The following MDN1 variants were observed in gnomAD, a reference collection of about 807,000 sequenced individuals.
MDN1 encodes midasin.
A neutral mutation model predicts 669.2 loss-of-function variants in MDN1; 266 were observed. The observed-to-expected ratio is 0.40, with a 90% CI of 0.36 to 0.44. The LOEUF is 0.44. Ranked by LOEUF, MDN1 falls within the 20% of genes least tolerant of loss-of-function variation. The pLI is 1.00. For missense variants in MDN1, 5,940 were observed against 6,754.0 expected (o/e 0.88, Z 4.22); for synonymous variants, 2,385 against 2,457.1 (o/e 0.97, Z 0.87).
chr6:89,819,658 C>T lies in MDN1; in HGVS notation c.-51G>A. 1 of 1,521,580 alleles carries T rather than the reference C, an allele frequency of 6.6e-7. No individual in the cohort carries two copies. Among genetic ancestry groups the T allele is most frequent in the Non-Finnish European group, 9.0e-7 (1 of 1,110,266 alleles). 94.3% of individuals were successfully genotyped at this position (1,521,580 alleles called of 1,614,324 possible). A position where few individuals can be genotyped will look rare whatever the true frequency, so the allele number is the denominator to read the frequency against. ...CCACCTGCGCTCCCTACTTCGCGGC[C>T]AGCGTCCCCAAGCCGCCGAGGTCCC... On this transcript the variant is annotated 5_prime_UTR_variant, in exon 1 of 102. Coordinates refer to ENST00000369393, the MANE Select transcript of MDN1 (RefSeq NM_014611.3).
intron 17 of MDN1, 34 bp downstream of exon 17, chr6:89,761,611 G>A (rs770081603): frequency 2.2e-5 from 32 of 1,447,822 alleles, no homozygotes; most frequent in South Asian, 4.9e-5. Flanking sequence ...TAAAATCAAC[G>A]TTCCCATAAG....
intron 69 of MDN1, 22 bp from the exon 70 acceptor site, chr6:89,685,995 A>C (rs776348917): frequency 6.2e-7 from 1 of 1,608,656 alleles, no homozygotes; most frequent in East Asian, 2.2e-5. Context: ...CAAAGAGAAA[A>C]ATATATATGT....
chr6:89,761,714 A>G lies in MDN1; in HGVS notation c.2391T>C (p.Gly797=). The part of the protein sequence containing the change: ...LLIKEKWEAF[G]LRLNHAQQQM... ...GTTGTTGGGCATGGTTGAGTCTAAG[A>G]CCAAATGCTTCCCATTTCTCTTTTA... is the stretch of plus-strand genomic sequence containing the variant. The change falls in exon 17 of 102, where the codon GGT becomes GGC. Residue 797 remains glycine, a synonymous_variant. Coordinates refer to ENST00000369393, the MANE Select transcript of MDN1 (RefSeq NM_014611.3). 6.2e-7 allele frequency: 1 copy of G among 1,611,540 alleles called. No individual in the cohort carries two copies.
At chr6:89,762,639 C>G in intron 15 of MDN1, 109 bp from the exon 16 acceptor site, 2 of 714,786 alleles carry the variant, frequency 2.8e-6, no homozygotes, top group Non-Finnish European at 4.6e-6. Flanking sequence ...TAATTAACGT[C>G]AGAAATACTA....
In MDN1 at chr6:89,803,405, G is replaced by C; in HGVS notation, c.252C>G (p.Gly84=). The part of the protein sequence containing the change: ...ERNAEAIKAG[G]QINHDLHERL... ...GTTCATGCAGATCATGGTTGATTTG[G>C]CCTCCAGCTTTAATGGCTTCGGCAT... is the stretch of plus-strand genomic sequence containing the variant. The change falls in exon 2 of 102, where the codon GGC becomes GGG. Residue 84 remains glycine (G), a synonymous_variant. Coordinates refer to ENST00000369393, the MANE Select transcript of MDN1 (RefSeq NM_014611.3). The C allele has an allele frequency of 6.2e-7, 1 of 1,614,036 alleles. No individual in the cohort carries two copies. Among genetic ancestry groups the C allele is most frequent in the Non-Finnish European group, 8.5e-7 (1 of 1,180,022 alleles).
chr6:89,787,657 T>TGG (rs1562219175), intron 8 of MDN1, among the ~76,000 whole-genome samples, 197 bp downstream of exon 8: 24 of 149,604 alleles, frequency 1.6e-4, no homozygotes, highest in African/African-American at 5.9e-4. Context: ...TATTTTTAAG[T>TGG]CGGGGGGGGG....
chr6:89,749,405 C>A, intron 25 of MDN1, 36 bp from the exon 26 acceptor site: 3 of 1,605,910 alleles, frequency 1.9e-6, no homozygotes, highest in Non-Finnish European at 2.6e-6. Context: ...GTAAAAGGTG[C>A]CTTTTAATTT....
At position 89,792,820 on chromosome 6, in the gene MDN1, C is replaced by T. The variant is rs549428428; in HGVS notation, c.855+942G>A. ...GGGTCACGAGGTCAGGCATTCGAGACCAGGCTGGCCAACATAGTGAAATTC... is the reference window on the plus strand; with the variant it reads ...GGGTCACGAGGTCAGGCATTCGAGATCAGGCTGGCCAACATAGTGAAATTC... On this transcript the variant is annotated intron_variant, in intron 5 of 101. Coordinates refer to ENST00000369393, the MANE Select transcript of MDN1 (RefSeq NM_014611.3). 3.3e-5 allele frequency among the ~76,000 whole-genome samples: 5 copies of T among 151,916 alleles called. No individual in the cohort carries two copies. The East Asian group carries it at 9.7e-4, about 29-fold the overall frequency.
rs1277011406 is a variant in MDN1 at position 89,745,356 on chromosome 6, C to G, written c.4095G>C (p.Trp1365Cys). ...TLECNFGHIV[W>C]TEGMRRLAML... ...TCGCGAGTCTCCGCATGCCCTCAGT[C>G]CACACGATATGGCCAAAGTTACACT... Residue 1365 changes from tryptophan to cysteine, a missense_variant, in exon 29 of 102, where the codon TGG (tryptophan) becomes TGC (cysteine). Trp to Cys is a radical substitution (Grantham distance 215). Around this residue, in one of 5 missense-constraint regions of MDN1, gnomAD observed 2,292 missense variants for 2,638.3 expected, o/e 0.87. Transcript: ENST00000369393. 1.2e-6 allele frequency: 2 copies of G among 1,614,010 alleles called. No individual in the cohort carries two copies. The highest frequency in any genetic ancestry group is 1.7e-6 in the Non-Finnish European group (2 of 1,179,996).
At chr6:89,802,335 G>A (rs1489482003) in intron 2 of MDN1, among the ~76,000 whole-genome samples, 1 of 152,154 alleles carries the variant, frequency 6.6e-6, no homozygotes, top group Non-Finnish European at 1.5e-5. Flanking sequence ...TTCCAAGAAA[G>A]CCAAAGTGTA....
rs1032448400 is a variant in MDN1, at chr6:89,695,265, C to T, written c.9771+340G>A. Among the ~76,000 whole-genome samples the T allele has an allele frequency of 6.6e-6, 1 of 151,970 alleles. No homozygotes were observed. Among genetic ancestry groups the T allele is most frequent in the Non-Finnish European group, 1.5e-5 (1 of 67,982 alleles). On this transcript the variant is annotated intron_variant, in intron 61 of 101. Coordinates refer to ENST00000369393, the MANE Select transcript of MDN1 (RefSeq NM_014611.3). The surrounding 1 kb of genome is among the most constrained non-coding windows in gnomAD (Gnocchi z 4.1). ...ACAAACAAACAAAAACCCAAATATC[C>T]AAAACTAAGCTCAGGTAGAGAGAGT...
At chr6:89,680,524 T>C (rs1256562606) in intron 74 of MDN1, 65 bp downstream of exon 74, 14 of 1,564,464 alleles carry the variant, frequency 8.9e-6, no homozygotes, top group Non-Finnish European at 6.9e-6. Context: ...TGCCACATTC[T>C]CAGCCCTCCT....
chr6:89,772,129 G>A (rs573905241), intron 14 of MDN1, among the ~76,000 whole-genome samples: 1 of 152,230 alleles, frequency 6.6e-6, no homozygotes, highest in East Asian at 1.9e-4. Flanking sequence ...GCCAGGCGTG[G>A]TGGCACACAC....
chr6:89,687,104 T>A, intron 68 of MDN1, 81 bp from the exon 69 acceptor site: 1 of 1,564,436 alleles, frequency 6.4e-7, no homozygotes, highest in Non-Finnish European at 8.7e-7. Flanking sequence ...AGCTACATGC[T>A]CACATTTCTC....
Position 89,661,436 on chromosome 6 carries a change from C to T in MDN1, c.14708G>A (p.Gly4903Glu). The T allele has an allele frequency of 1.2e-6, 2 of 1,611,248 alleles. No individual in the cohort carries two copies. Among genetic ancestry groups the T allele is most frequent in the Non-Finnish European group, 1.7e-6 (2 of 1,179,236 alleles). ...NGGEDTDNEEGEEENPLEIKE... is the reference protein window; with the variant it reads ...NGGEDTDNEEEEEENPLEIKE... ...TTTGTTTCTGAAAGACGCACCTTCT[C>T]CTTCTTCATTGTCGGTGTCCTCACC... The change falls in exon 88 of 102, where the codon GGA becomes GAA. Residue 4903 changes from glycine (G) to glutamate (E), a missense_variant. Physicochemically the swap from Gly to Glu is moderately conservative, Grantham distance 98 (BLOSUM62 -2). Around this residue, in one of 5 missense-constraint regions of MDN1, gnomAD observed 2,280 missense variants for 2,576.3 expected, o/e 0.88. Transcript: ENST00000369393.
intron 76 of MDN1, 37 bp from the exon 77 acceptor site, chr6:89,676,244 C>A (rs760938272): frequency 1.9e-6 from 3 of 1,552,798 alleles, no homozygotes; most frequent in Non-Finnish European, 2.7e-6. Context: ...TTAATTAAAA[C>A]CACGCTCTCC....
chr6:89,702,260 G>C (rs1264532797), intron 53 of MDN1, among the ~76,000 whole-genome samples, 199 bp from the exon 54 acceptor site: 1 of 152,194 alleles, frequency 6.6e-6, no homozygotes, highest in East Asian at 1.9e-4. Context: ...GGAACAGTAA[G>C]GCAGACAGAG....
intron 37 of MDN1, among the ~76,000 whole-genome samples, chr6:89,727,428 G>C (rs1175097894): frequency 6.6e-6 from 1 of 152,094 alleles, no homozygotes; most frequent in African/African-American, 2.4e-5. Context: ...ACACATAACG[G>C]ATCGTTTCCT....
At chr6:89,806,738 A>C (rs1410967537) in intron 1 of MDN1, among the ~76,000 whole-genome samples, 1 of 152,050 alleles carries the variant, frequency 6.6e-6, no homozygotes, top group Non-Finnish European at 1.5e-5. Context: ...AAAATTTTTA[A>C]AAAAAGCTTA....
Sources: gnomAD v4.1 joint callset for allele counts (sites outside exome capture counted in the v4.1 genomes callset) on GRCh38, gnomAD v4.1.1 for gene constraint, gnomAD v4.1.1 regional missense constraint, Gnocchi (gnomAD v3.1) non-coding constraint, MANE v1.5 for transcripts, NCBI Gene and HGNC (gene_info 2026-07-23, HGNC 2026-07-21) for gene names.